CSMD1: variants seen among roughly 807,000 people sequenced by gnomAD.
CSMD1 encodes CUB and sushi domain-containing protein 1.
In CSMD1, 213 loss-of-function variants were observed where a neutral mutation model predicts 417.5. The observed-to-expected ratio is 0.51, with a 90% CI of 0.46 to 0.57. The LOEUF (loss-of-function observed/expected upper bound fraction) is 0.57, where lower values mean the gene tolerates loss of function less well. CSMD1 is among the 20% of genes least tolerant of loss of function. CSMD1 has a pLI of 0.00. For synonymous variants in CSMD1, 2,862 were observed against 1,736.8 expected (o/e 1.65, Z -16.11); for missense variants, 6,923 against 4,529.7 (o/e 1.53, Z -15.17).
At chr8:4,363,137 A>G (rs374286124) in intron 3 of CSMD1, among the ~76,000 whole-genome samples, 74 of 152,340 alleles carry the variant, frequency 4.9e-4, no homozygotes, top group African/African-American at 1.8e-3. Context: ...AGAGTAAATA[A>G]TAGGTGAGAG....
At chr8:4,757,959 C>CAAA (rs35869578) in intron 1 of CSMD1, among the ~76,000 whole-genome samples, 39 of 72,016 alleles carry the variant, frequency 5.4e-4, no homozygotes, top group African/African-American at 1.9e-3. Flanking sequence ...GACTTTGTCT[C>CAAA]AAAAAAAAAA....
At chr8:4,233,106 G>C (rs1453004393) in intron 3 of CSMD1, among the ~76,000 whole-genome samples, 4 of 152,172 alleles carry the variant, frequency 2.6e-5, no homozygotes, top group Non-Finnish European at 5.9e-5. Context: ...TGCACAGTTG[G>C]AAAATGCTAT....
chr8:3,951,229 G>T (rs1184604409), intron 5 of CSMD1, among the ~76,000 whole-genome samples: 1 of 152,142 alleles, frequency 6.6e-6, no homozygotes, highest in Non-Finnish European at 1.5e-5. Context: ...CTGCACAGGC[G>T]GGCACGGGTC....
At chr8:3,659,947 G>T (rs868682792) in intron 7 of CSMD1, among the ~76,000 whole-genome samples, 2 of 152,130 alleles carry the variant, frequency 1.3e-5, no homozygotes, top group Admixed American at 6.5e-5. Flanking sequence ...TAAAAGAATT[G>T]CAATAATTTC....
At chr8:3,890,835 G>C (rs1426086301) in intron 5 of CSMD1, among the ~76,000 whole-genome samples, 2 of 152,060 alleles carry the variant, frequency 1.3e-5, no homozygotes, top group Non-Finnish European at 2.9e-5. Flanking sequence ...TAAATAAAAT[G>C]CTCATACTCA....
Position 4,657,721 on chromosome 8 carries a change from GA to G in CSMD1, c.86-20164del, listed in dbSNP as rs566573120. 5.6e-3 allele frequency among the ~76,000 whole-genome samples: 665 copies of G among 118,894 alleles called. 4 individuals are homozygous for G. Among genetic ancestry groups the G allele is most frequent in the African/African-American group, 0.015 (506 of 32,714 alleles). 78.0% of individuals were successfully genotyped at this position (118,894 alleles called of 152,430 possible). A position where few individuals can be genotyped will look rare whatever the true frequency, so the allele number is the denominator to read the frequency against. ...AATATGACCCACTCACAAAAGAAAT[GA>G]AAAAAAAAAAAACTCTCCCTGAAAA... is the stretch of plus-strand genomic sequence containing the variant. On this transcript the variant is annotated intron_variant, in intron 1 of 69. Coordinates refer to ENST00000635120, the MANE Select transcript of CSMD1 (RefSeq NM_033225.6).
At chr8:4,253,952 TA>T in intron 3 of CSMD1, among the ~76,000 whole-genome samples, 1 of 131,998 alleles carries the variant, frequency 7.6e-6, no homozygotes, top group African/African-American at 2.8e-5. Context: ...AGTCTTGCTC[TA>T]GTGCCCAGGC....
chr8:3,919,454 G>C (rs190999936), intron 5 of CSMD1, among the ~76,000 whole-genome samples: 2 of 152,096 alleles, frequency 1.3e-5, no homozygotes, highest in African/African-American at 4.8e-5. Context: ...TTTTGCTTGA[G>C]TTCACTTTCT....
intron 3 of CSMD1, among the ~76,000 whole-genome samples, chr8:4,338,919 A>T (rs770181004): frequency 6.6e-6 from 1 of 152,144 alleles, no homozygotes; most frequent in African/African-American, 2.4e-5. Flanking sequence ...CATGATAAAT[A>T]AAGTTAAAGT....
chr8:4,227,207 G>C (rs1406929884), intron 3 of CSMD1, among the ~76,000 whole-genome samples: 1 of 152,130 alleles, frequency 6.6e-6, no homozygotes, highest in Non-Finnish European at 1.5e-5. Context: ...AAGTCAAACT[G>C]AAAGTACTGC....
At chr8:4,149,301 T>C (rs1796445526) in intron 3 of CSMD1, among the ~76,000 whole-genome samples, 1 of 152,174 alleles carries the variant, frequency 6.6e-6, no homozygotes, top group African/African-American at 2.4e-5. Context: ...AAAGATAAGC[T>C]TTCACATATT....
Position 3,439,311 on chromosome 8 carries a change from T to TATA in CSMD1, c.1561+29400_1561+29401insTAT, listed in dbSNP as rs1563390619. Among the ~76,000 whole-genome samples, 50 of 36,292 alleles carry TATA rather than the reference T, an allele frequency of 1.4e-3. 1 individual carries two copies. Among genetic ancestry groups the TATA allele is most frequent in the Admixed American group, 3.4e-3 (10 of 2,950 alleles). 23.8% of individuals were successfully genotyped at this position (36,292 alleles called of 152,430 possible). The stretch of plus-strand genomic sequence containing the variant: ...TATATATATATATATATATATATAT[T>TATA]TTTTTTTTTAATATGTATTTTTAAT... On this transcript the variant is annotated intron_variant, in intron 12 of 69. Coordinates refer to ENST00000635120, the MANE Select transcript of CSMD1 (RefSeq NM_033225.6).
intron 7 of CSMD1, among the ~76,000 whole-genome samples, chr8:3,666,886 T>A (rs1798720500): frequency 6.6e-6 from 1 of 152,150 alleles, no homozygotes; most frequent in South Asian, 2.1e-4. Context: ...ATCAGCAGCA[T>A]GAAAATGAAC....
At chr8:3,088,481 T>TA (rs1246018204) in intron 48 of CSMD1, among the ~76,000 whole-genome samples, 3 of 152,172 alleles carry the variant, frequency 2.0e-5, no homozygotes, top group Non-Finnish European at 4.4e-5. Flanking sequence ...TCCTTGGAAA[T>TA]ACATTCAGAA....
intron 3 of CSMD1, among the ~76,000 whole-genome samples, chr8:4,248,402 G>A (rs1802840740): frequency 6.6e-6 from 1 of 152,072 alleles, no homozygotes; most frequent in Non-Finnish European, 1.5e-5. Context: ...AACTATCATG[G>A]CGCTTATAAA....
intron 4 of CSMD1, among the ~76,000 whole-genome samples, chr8:4,016,602 G>A (rs192825125): frequency 6.6e-6 from 1 of 152,166 alleles, no homozygotes; most frequent in Non-Finnish European, 1.5e-5. Context: ...TTCCCCAGAT[G>A]AGGAAAATTA....
At chr8:3,730,895 T>C (rs1398719663) in intron 6 of CSMD1, among the ~76,000 whole-genome samples, 1 of 152,118 alleles carries the variant, frequency 6.6e-6, no homozygotes, top group Non-Finnish European at 1.5e-5. Flanking sequence ...CTATAATACG[T>C]AGACCAATTT....
intron 3 of CSMD1, among the ~76,000 whole-genome samples, chr8:4,177,335 G>T (rs1412243629): frequency 2.0e-5 from 3 of 151,984 alleles, no homozygotes; most frequent in African/African-American, 7.3e-5. Flanking sequence ...TGAATACTGG[G>T]TACATAACGA....
In CSMD1 at chr8:3,145,030, CTAGAG is replaced by C. The variant is rs1346849106; in HGVS notation, c.6032-2361_6032-2357del. ...ATGAATCTTGTTACTAATAAGTAAA[CTAGAG>C]TAAAGAGTTGTGTGTGTGTGTGTGC... On this transcript the variant is annotated intron_variant, in intron 40 of 69. Transcript: ENST00000635120. Among the ~76,000 whole-genome samples the C allele has an allele frequency of 1.2e-4, 14 of 115,680 alleles. No homozygotes were observed. The East Asian group carries it at 1.7e-3, about 14-fold the overall frequency. 75.9% of individuals were successfully genotyped at this position (115,680 alleles called of 152,430 possible).
Sources: allele counts gnomAD v4.1 joint callset (sites outside exome capture counted in the v4.1 genomes callset), GRCh38; gene constraint gnomAD v4.1.1; transcripts MANE v1.5; gene names NCBI Gene and HGNC (gene_info 2026-07-23, HGNC 2026-07-21).